USB1: variants seen among roughly 807,000 people sequenced by gnomAD.
The protein encoded by USB1 is U6 snRNA phosphodiesterase 1.
A neutral mutation model predicts 29.9 loss-of-function variants in USB1; 21 were observed. That is an observed-to-expected ratio of 0.70 (90% CI 0.50 to 1.01). The LOEUF is 1.01. USB1 is among the 50% of genes least tolerant of loss of function. The probability of loss-of-function intolerance (pLI) is 0.00; values close to 1 mark genes in which losing one functional copy is unlikely to be tolerated. For synonymous variants in USB1, 143 were observed against 134.9 expected (o/e 1.06, Z -0.42); for missense variants, 330 against 347.1 (o/e 0.95, Z 0.39).
Position 58,020,902 on chromosome 16 carries a change from T to C in USB1, c.*657T>C, listed in dbSNP as rs539869982. ...TACTCTGGTTGTTACACAAAGAAAA[T>C]ATTGGGGTCACTGGCGAGCCCACCC... On this transcript the variant is annotated 3_prime_UTR_variant, in exon 7 of 7. Transcript: ENST00000219281. 1.1e-3 allele frequency: 171 copies of C among 159,074 alleles called. No individual in the cohort carries two copies. Among genetic ancestry groups the C allele is most frequent in the Non-Finnish European group, 1.9e-3 (137 of 71,280 alleles). The allele number at this position is 159,074 out of a possible 1,614,324, so 9.9% of individuals were successfully genotyped here.
intron 1 of USB1, 63 bp from the exon 2 acceptor site, chr16:58,002,416 A>G (rs1963240378): frequency 1.9e-6 from 3 of 1,604,268 alleles, no homozygotes; most frequent in Non-Finnish European, 2.5e-6. Context: ...CTTTTGTGGT[A>G]TATACAAAGG....
chr16:58,001,761 C>G (rs557391368), intron 1 of USB1, among the ~76,000 whole-genome samples, 180 bp downstream of exon 1: 2 of 139,434 alleles, frequency 1.4e-5, no homozygotes, highest in East Asian at 4.6e-4. Flanking sequence ...CCAGACAAAG[C>G]TCCAGAGTGG....
At position 58,020,324 on chromosome 16, in the gene USB1, C is replaced by T; in HGVS notation, c.*79C>T. 7.1e-7 allele frequency: 1 copy of T among 1,400,144 alleles called. No individual in the cohort carries two copies. 86.7% of individuals were successfully genotyped at this position (1,400,144 alleles called of 1,614,324 possible). A position where few individuals can be genotyped will look rare whatever the true frequency, so the allele number is the denominator to read the frequency against. On this transcript the variant is annotated 3_prime_UTR_variant, in exon 7 of 7. Transcript: ENST00000219281. ...GAACCTGCTAAAATCGATGGAGATG[C>T]TTCTAGCCTCCCAGTAGGAGGCCCC...
chr16:58,014,537 C>G (rs1417927433), intron 4 of USB1, among the ~76,000 whole-genome samples: 2 of 152,206 alleles, frequency 1.3e-5, no homozygotes, highest in African/African-American at 4.8e-5. Flanking sequence ...AATTCCAGCA[C>G]TTTGGGAGGC....
rs1323405287 is a variant in USB1, at chr16:58,013,188, G to T, written c.450-1085G>T. 1.0e-6 allele frequency: 1 copy of T among 985,502 alleles called. No individual in the cohort carries two copies. Among genetic ancestry groups the T allele is most frequent in the East Asian group, 1.1e-4 (1 of 8,810 alleles). The allele number at this position is 985,502 out of a possible 1,614,324, so 61.0% of individuals were successfully genotyped here. ...TGGGCAGCCTGCCTCTGGAGTAGGG[G>T]TGGAGAGCCATCCTGCAACACGAGG... On this transcript the variant is annotated intron_variant, in intron 3 of 6. Coordinates refer to ENST00000219281, the MANE Select transcript of USB1 (RefSeq NM_024598.4). This position sits in a 1 kb window ranked among gnomAD's most constrained non-coding sequence, Gnocchi z 4.3.
Position 58,013,415 on chromosome 16 carries a change from T to C in USB1, c.450-858T>C. Reference sequence around the variant, plus strand: ...GCAGATTGTGAGGCTCTACCCAGCATGCTGGTATATTATGTTCCCTCAGAT... The same window carrying C: ...GCAGATTGTGAGGCTCTACCCAGCACGCTGGTATATTATGTTCCCTCAGAT... On this transcript the variant is annotated intron_variant, in intron 3 of 6. Coordinates refer to ENST00000219281, the MANE Select transcript of USB1 (RefSeq NM_024598.4). This position sits in a 1 kb window ranked among gnomAD's most constrained non-coding sequence, Gnocchi z 4.3. 1.0e-6 allele frequency: 1 copy of C among 985,462 alleles called. No homozygotes were observed. The highest frequency in any genetic ancestry group is 1.2e-6 in the Non-Finnish European group (1 of 829,952). The allele number at this position is 985,462 out of a possible 1,614,324, so 61.0% of individuals were successfully genotyped here. A position where few individuals can be genotyped will look rare whatever the true frequency, so the allele number is the denominator to read the frequency against.
At chr16:58,018,109 G>A (rs1037368550) in intron 5 of USB1, among the ~76,000 whole-genome samples, 3 of 152,060 alleles carry the variant, frequency 2.0e-5, no homozygotes, top group East Asian at 1.9e-4. Flanking sequence ...GACTGTCTTA[G>A]CTCAGGCTGT....
rs1567421948 is a variant in USB1 at position 58,013,975 on chromosome 16, G to A, written c.450-298G>A. ...CTACTTGATCAATAAGGCTTTCTCA[G>A]TTCCCATCAGTGAAGTTGAGATAGT... On this transcript the variant is annotated intron_variant, in intron 3 of 6. Coordinates refer to ENST00000219281, the MANE Select transcript of USB1 (RefSeq NM_024598.4). The surrounding 1 kb of genome is among the most constrained non-coding windows in gnomAD (Gnocchi z 4.3). 5 of 374,938 alleles carry A rather than the reference G, an allele frequency of 1.3e-5. No homozygotes were observed. The highest frequency in any genetic ancestry group is 1.3e-4 in the Admixed American group (3 of 23,886). 23.2% of individuals were successfully genotyped at this position (374,938 alleles called of 1,614,324 possible).
intron 4 of USB1, chr16:58,015,491 A>ATTCCATGCTGCACAAGT (rs1963595002): frequency 6.6e-6 from 1 of 152,182 alleles, no homozygotes; most frequent in Non-Finnish European, 1.5e-5. Flanking sequence ...TCATTCATTT[A>ATTCCATGCTGCACAAGT]TTCCATGCTG....
Position 58,013,603 on chromosome 16 carries a change from G to T in USB1, c.450-670G>T. 1 of 175,020 alleles carries T rather than the reference G, an allele frequency of 5.7e-6. No homozygotes were observed. The highest frequency in any genetic ancestry group is 1.1e-5 in the Non-Finnish European group (1 of 95,158). 10.8% of individuals were successfully genotyped at this position (175,020 alleles called of 1,614,324 possible). The stretch of plus-strand genomic sequence containing the variant: ...CTCTTCCCGTGTTATTGATCTGAGG[G>T]GTGGGTGGGTGGGGGCATCTGTCTC... On this transcript the variant is annotated intron_variant, in intron 3 of 6. Coordinates refer to ENST00000219281, the MANE Select transcript of USB1 (RefSeq NM_024598.4). This position sits in a 1 kb window ranked among gnomAD's most constrained non-coding sequence, Gnocchi z 4.3.
intron 3 of USB1, chr16:58,012,436 G>A (rs1404046817): frequency 8.9e-6 from 11 of 1,242,480 alleles, no homozygotes; most frequent in South Asian, 3.9e-5. Flanking sequence ...TGAGTGGACC[G>A]GGGTGACAAG....
At chr16:58,012,371 A>C (rs1010254580) in intron 3 of USB1, 21 of 1,500,202 alleles carry the variant, frequency 1.4e-5, no homozygotes, top group Non-Finnish European at 1.9e-5. Flanking sequence ...TAAACCAAAG[A>C]GAAATTTATA....
In USB1 at chr16:58,013,952, A is replaced by G; in HGVS notation, c.450-321A>G. 3.1e-6 allele frequency: 1 copy of G among 323,166 alleles called. No individual in the cohort carries two copies. The highest frequency in any genetic ancestry group is 3.4e-5 in the South Asian group (1 of 29,494). The allele number at this position is 323,166 out of a possible 1,614,324, so 20.0% of individuals were successfully genotyped here. A position where few individuals can be genotyped will look rare whatever the true frequency, so the allele number is the denominator to read the frequency against. ...GCTGTTAAGTGGTCCATTATCACCT[A>G]CTTGATCAATAAGGCTTTCTCAGTT... On this transcript the variant is annotated intron_variant, in intron 3 of 6. Transcript: ENST00000219281. The surrounding 1 kb of genome is among the most constrained non-coding windows in gnomAD (Gnocchi z 4.3).
Position 58,010,050 on chromosome 16 carries a change from G to A in USB1, c.387G>A (p.Leu129=). ...TCAGCCTGTCCCAGAGTGTGGTTCT[G>A]CGCCACCACTGGATCCTCCCCTTCG... ...FHLSLSQSVV[L]RHHWILPFVQ... Residue 129 remains leucine, a synonymous_variant, in exon 3 of 7, where the codon CTG becomes CTA. Transcript: ENST00000219281. 1 of 1,614,086 alleles carries A rather than the reference G, an allele frequency of 6.2e-7. No homozygotes were observed. The highest frequency in any genetic ancestry group is 1.7e-5 in the Admixed American group (1 of 60,016).
chr16:58,017,898 C>G, intron 5 of USB1, among the ~76,000 whole-genome samples: 1 of 152,122 alleles, frequency 6.6e-6, no homozygotes, highest in East Asian at 1.9e-4. Flanking sequence ...TGTTTTTAAA[C>G]CGTGCTGAGG....
intron 3 of USB1, chr16:58,012,016 C>G: frequency 8.5e-7 from 1 of 1,176,752 alleles, no homozygotes; most frequent in Non-Finnish European, 1.1e-6. Flanking sequence ...AGGTGTTGCA[C>G]AAAAGCCTGA....
chr16:58,018,700 C>A (rs540950731), intron 5 of USB1, among the ~76,000 whole-genome samples: 153 of 152,234 alleles, frequency 1.0e-3, no homozygotes, highest in African/African-American at 3.6e-3. Context: ...AATTACCCCT[C>A]AAAGGCCCCA....
intron 2 of USB1, 117 bp downstream of exon 2, chr16:58,002,762 G>A (rs1963259413): frequency 1.4e-6 from 2 of 1,404,096 alleles, no homozygotes; most frequent in Non-Finnish European, 2.0e-6. Flanking sequence ...CACTGGTGGT[G>A]GGAAAGTCAT....
chr16:58,008,768 A>C (rs1309790414), intron 2 of USB1, among the ~76,000 whole-genome samples: 1 of 152,138 alleles, frequency 6.6e-6, no homozygotes, highest in Non-Finnish European at 1.5e-5. Context: ...CTTCTTTTCT[A>C]ATATATGCAT....
Sources: allele counts gnomAD v4.1 joint callset (sites outside exome capture counted in the v4.1 genomes callset), GRCh38; gene constraint gnomAD v4.1.1; non-coding constraint Gnocchi (gnomAD v3.1); transcripts MANE v1.5; gene names NCBI Gene and HGNC (gene_info 2026-07-23, HGNC 2026-07-21).